DHX40: variants seen among roughly 807,000 people sequenced by gnomAD.
DHX40 encodes DEAH-box helicase 40, also known as probable ATP-dependent RNA helicase DHX40.
A neutral mutation model predicts 89.6 loss-of-function variants in DHX40; 28 were observed. That is an observed-to-expected ratio of 0.31 (90% confidence interval 0.23 to 0.43). The LOEUF (loss-of-function observed/expected upper bound fraction) is 0.43, where lower values mean the gene tolerates loss of function less well. Ranked by LOEUF, DHX40 falls within the 20% of genes least tolerant of loss-of-function variation. The pLI is 1.00. For missense variants in DHX40, 457 were observed against 844.0 expected (o/e 0.54, Z 5.68); for synonymous variants, 226 against 283.6 (o/e 0.80, Z 2.04).
intron 14 of DHX40, among the ~76,000 whole-genome samples, chr17:59,600,224 C>A (rs1254654529): frequency 1.3e-5 from 2 of 152,094 alleles, no homozygotes. Flanking sequence ...AGTAAGTCCT[C>A]ACTTAATGTC....
rs187771241 is a variant in DHX40, at chr17:59,586,400, T to G, written c.1424+167T>G. Among the ~76,000 whole-genome samples the G allele has an allele frequency of 1.9e-3, 288 of 152,208 alleles. 3 individuals carry two copies. Among genetic ancestry groups the G allele is most frequent in the Non-Finnish European group, 4.6e-4 (31 of 68,000 alleles). On this transcript the variant is annotated intron_variant, in intron 11 of 17. Coordinates refer to ENST00000251241, the MANE Select transcript of DHX40 (RefSeq NM_024612.5). Reference sequence around the variant, plus strand: ...AAAACCAGCCGGGCGCTGTGGCTCATACCTGTAATCCCAGCACTTTGGGAG... The same window carrying G: ...AAAACCAGCCGGGCGCTGTGGCTCAGACCTGTAATCCCAGCACTTTGGGAG...
intron 1 of DHX40, 77 bp downstream of exon 1, chr17:59,565,860 T>G (rs2048697146): frequency 1.6e-6 from 2 of 1,280,898 alleles, no homozygotes; most frequent in Admixed American, 4.6e-5. Context: ...AAAGTACGCC[T>G]TTGGCAGGCT....
intron 6 of DHX40, among the ~76,000 whole-genome samples, chr17:59,574,462 CAT>C (rs1482899664): frequency 6.6e-6 from 1 of 151,336 alleles, no homozygotes; most frequent in Non-Finnish European, 1.5e-5. Flanking sequence ...ATGTCAAAGA[CAT>C]ATGTTTATGT....
chr17:59,588,248 A>C (rs1375641932), intron 12 of DHX40, among the ~76,000 whole-genome samples, 195 bp downstream of exon 12: 1 of 149,288 alleles, frequency 6.7e-6, no homozygotes, highest in Non-Finnish European at 1.5e-5. Context: ...AAAACCAAAA[A>C]CAAAATTAAT....
chr17:59,570,625 G>A lies in DHX40; in HGVS notation c.388G>A (p.Val130Ile), dbSNP rs746124350. The change falls in exon 3 of 18, where the codon GTA becomes ATA. Residue 130 changes from valine (V) to isoleucine (I), a missense_variant. Around this residue, in one of 9 missense-constraint regions of DHX40, gnomAD observed 61 missense variants for 100.4 expected, o/e 0.61. Coordinates refer to ENST00000251241, the MANE Select transcript of DHX40 (RefSeq NM_024612.5). ...EEMKCTLGSK[V>I]GYQVRFDDCS... The stretch of plus-strand genomic sequence containing the variant: ...AATGAAATGCACTTTGGGATCCAAA[G>A]TAGGATACCAAGTTCGTTTTGATGA... 1 of 1,608,946 alleles carries A rather than the reference G, an allele frequency of 6.2e-7. No homozygotes were observed. The highest frequency in any genetic ancestry group is 8.5e-7 in the Non-Finnish European group (1 of 1,177,652).
Position 59,605,907 on chromosome 17 carries a change from G to A in DHX40, c.2200+233G>A, listed in dbSNP as rs2030817102. 4 of 563,340 alleles carry A rather than the reference G, an allele frequency of 7.1e-6. No individual in the cohort carries two copies. In the Admixed American group the frequency reaches 7.4e-5, roughly 10 times the overall value. 34.9% of individuals were successfully genotyped at this position (563,340 alleles called of 1,614,324 possible). On this transcript the variant is annotated intron_variant, in intron 17 of 17. Coordinates refer to ENST00000251241, the MANE Select transcript of DHX40 (RefSeq NM_024612.5). The stretch of plus-strand genomic sequence containing the variant: ...TTGAACCCAGGAGTTTGAGGCTGCA[G>A]TGAACTGTGATTTCACCAGTGCACT...
intron 2 of DHX40, among the ~76,000 whole-genome samples, chr17:59,569,325 C>G (rs1474138664): frequency 4.4e-5 from 6 of 136,104 alleles, no homozygotes; most frequent in African/African-American, 1.9e-4. Flanking sequence ...AAGACTCTAT[C>G]TCAAAAATAA....
intron 2 of DHX40, among the ~76,000 whole-genome samples, chr17:59,569,711 C>CGATATATATATTATAGATATATATATAA (rs1567856918): frequency 3.2e-4 from 45 of 140,612 alleles, no homozygotes; most frequent in African/African-American, 1.2e-3. Flanking sequence ...ATATATATAT[C>CGATATATATATTATAGATATATATATAA]TATATATATA....
Position 59,607,438 on chromosome 17 carries a change from TA to T in DHX40, c.*267del. On this transcript the variant is annotated 3_prime_UTR_variant, in exon 18 of 18. Coordinates refer to ENST00000251241, the MANE Select transcript of DHX40 (RefSeq NM_024612.5). ...GTACATGTAATAATATTTTCCTCAG[TA>T]CAATTTTGCTGGCCTTAACTGGTAT... 2 of 648,602 alleles carry T rather than the reference TA, an allele frequency of 3.1e-6. No individual in the cohort carries two copies. The highest frequency in any genetic ancestry group is 4.1e-5 in the South Asian group (2 of 48,490). 40.2% of individuals were successfully genotyped at this position (648,602 alleles called of 1,614,324 possible).
intron 17 of DHX40, among the ~76,000 whole-genome samples, 188 bp from the exon 18 acceptor site, chr17:59,606,843 ACT>A (rs1390461464): frequency 6.6e-6 from 1 of 151,460 alleles, no homozygotes; most frequent in African/African-American, 2.4e-5. Context: ...AGTTTTTCTG[ACT>A]CATTGGCCTT....
rs141096462 is a variant in DHX40, at chr17:59,605,045, G to A, written c.1902-70G>A. On this transcript the variant is annotated intron_variant, in intron 15 of 17. Transcript: ENST00000251241. ...GAACATATTGTAATTGTTCATTGCT[G>A]AATGTAATGCTCCATTTACTTCATT... The A allele has an allele frequency of 6.3e-3, 8,130 of 1,283,746 alleles. 39 individuals are homozygous for A. The highest frequency in any genetic ancestry group is 8.5e-3 in the Non-Finnish European group (7,499 of 883,470). 79.5% of individuals were successfully genotyped at this position (1,283,746 alleles called of 1,614,324 possible).
At chr17:59,599,635 T>TA in intron 14 of DHX40, 152 bp downstream of exon 14, 1 of 350,200 alleles carries the variant, frequency 2.9e-6, no homozygotes, top group South Asian at 3.1e-5. Context: ...GAAACATTCC[T>TA]AGTAGTGATA....
At chr17:59,600,762 A>C (rs1027791992) in intron 14 of DHX40, among the ~76,000 whole-genome samples, 1 of 151,540 alleles carries the variant, frequency 6.6e-6, no homozygotes, top group Non-Finnish European at 1.5e-5. Flanking sequence ...CAGAAGGATT[A>C]CTTGAGTCCA....
intron 12 of DHX40, among the ~76,000 whole-genome samples, 196 bp downstream of exon 12, chr17:59,588,249 C>CCCCAAAA (rs1455650501): frequency 0.018 from 2,227 of 122,340 alleles, 57 homozygotes; most frequent in African/African-American, 0.069. Flanking sequence ...AAACCAAAAA[C>CCCCAAAA]AAAATTAATA....
intron 4 of DHX40, among the ~76,000 whole-genome samples, chr17:59,573,452 C>G (rs149779712): frequency 1.7e-3 from 258 of 152,270 alleles, no homozygotes; most frequent in Non-Finnish European, 3.1e-3. Context: ...ATCTCAACCT[C>G]CTGAGTTGCT....
intron 3 of DHX40, among the ~76,000 whole-genome samples, chr17:59,572,506 G>A (rs914539584): frequency 6.6e-6 from 1 of 152,124 alleles, no homozygotes; most frequent in Non-Finnish European, 1.5e-5. Context: ...AGCCTCCCAA[G>A]TAGCTGGGAC....
At position 59,606,614 on chromosome 17, in the gene DHX40, C is replaced by T. The variant is rs562901007; in HGVS notation, c.2201-419C>T. ...ACAAAAAACTAGCTGGGTGTGGTGG[C>T]GGGCGCCTGTAGTCCCAGCTACTCG... On this transcript the variant is annotated intron_variant, in intron 17 of 17. Transcript: ENST00000251241. Among the ~76,000 whole-genome samples the T allele has an allele frequency of 1.1e-4, 16 of 151,926 alleles. No individual in the cohort carries two copies. In the East Asian group the frequency reaches 1.9e-3, roughly 18 times the overall value.
chr17:59,579,000 A>G (rs956411919), intron 8 of DHX40, among the ~76,000 whole-genome samples: 1 of 144,030 alleles, frequency 6.9e-6, no homozygotes, highest in Non-Finnish European at 1.5e-5. Context: ...ATATATATAT[A>G]TATATATTCC....
In DHX40 at chr17:59,607,939, A is replaced by G. The variant is rs2030960056; in HGVS notation, c.*767A>G. Reference sequence around the variant, plus strand: ...CTTTTTTAGCTGTACCTACGTACTTATATCAGCACCATGTATGTAGGTGTG... The same window carrying G: ...CTTTTTTAGCTGTACCTACGTACTTGTATCAGCACCATGTATGTAGGTGTG... On this transcript the variant is annotated 3_prime_UTR_variant, in exon 18 of 18. Coordinates refer to ENST00000251241, the MANE Select transcript of DHX40 (RefSeq NM_024612.5). 1 of 154,020 alleles carries G rather than the reference A, an allele frequency of 6.5e-6. No homozygotes were observed. Among genetic ancestry groups the G allele is most frequent in the Admixed American group, 6.6e-5 (1 of 15,236 alleles). 9.5% of individuals were successfully genotyped at this position (154,020 alleles called of 1,614,324 possible). A position where few individuals can be genotyped will look rare whatever the true frequency, so the allele number is the denominator to read the frequency against.
Sources: gnomAD v4.1 joint callset for allele counts (sites outside exome capture counted in the v4.1 genomes callset) on GRCh38, gnomAD v4.1.1 for gene constraint, gnomAD v4.1.1 regional missense constraint, MANE v1.5 for transcripts, NCBI Gene and HGNC (gene_info 2026-07-23, HGNC 2026-07-21) for gene names.